ST18: variants seen among roughly 807,000 people sequenced by gnomAD.
ST18 encodes the protein ST18 C2H2C-type zinc finger transcription factor.
A neutral mutation model predicts 110.0 loss-of-function variants in ST18; 50 were observed. The ratio of observed to expected loss-of-function variants is 0.45; its 90% CI spans 0.36 to 0.58. The LOEUF (loss-of-function observed/expected upper bound fraction) is 0.58. Ranked by LOEUF, ST18 falls within the 20% of genes least tolerant of loss-of-function variation. The pLI is 0.00. For missense variants in ST18, 1,306 were observed against 1,280.1 expected, an observed-to-expected ratio of 1.02 and a Z score of -0.31; for synonymous variants, 461 against 452.4, an observed-to-expected ratio of 1.02 and a Z score of -0.24.
At chr8:52,230,495 C>G (rs977048118) in intron 2 of ST18, among the ~76,000 whole-genome samples, 3 of 152,082 alleles carry the variant, frequency 2.0e-5, no homozygotes, top group Admixed American at 1.3e-4. Flanking sequence ...GGCAGCTGTA[C>G]TTTTCCCAGG....
chr8:52,325,545 A>G (rs1168077292), intron 2 of ST18, among the ~76,000 whole-genome samples: 1 of 152,240 alleles, frequency 6.6e-6, no homozygotes, highest in Non-Finnish European at 1.5e-5. Flanking sequence ...CAAGGTATCT[A>G]TGTATTGTTA....
intron 2 of ST18, among the ~76,000 whole-genome samples, chr8:52,314,816 G>A (rs1229242337): frequency 6.6e-6 from 1 of 152,052 alleles, no homozygotes; most frequent in East Asian, 1.9e-4. Flanking sequence ...CAGATCCCTG[G>A]GGCAGCAGGG....
intron 23 of ST18, 135 bp downstream of exon 23, chr8:52,125,917 A>C (rs976255614): frequency 2.8e-6 from 2 of 722,952 alleles, no homozygotes; most frequent in Admixed American, 3.0e-5. Context: ...TTTTAGTTCA[A>C]ATCTGAGGAA....
At chr8:52,170,789 C>A (rs563706058) in intron 10 of ST18, among the ~76,000 whole-genome samples, 114 of 152,090 alleles carry the variant, frequency 7.5e-4, no homozygotes, top group Admixed American at 2.6e-3. Context: ...TTTGTTTTCT[C>A]AGCTCTGAGA....
At chr8:52,362,986 C>T (rs1465532842) in intron 2 of ST18, among the ~76,000 whole-genome samples, 3 of 152,098 alleles carry the variant, frequency 2.0e-5, no homozygotes, top group African/African-American at 7.2e-5. Context: ...CTGAGGTGGG[C>T]GGATCACGAG....
rs2040536202 is a variant in ST18, at chr8:52,111,523, A to G, written c.*1675T>C. ...AGATAAGCCCCACTTAATGCATAAC[A>G]ATGACCAAAGTTTCATGGGAGTGGA... is the stretch of plus-strand genomic sequence containing the variant. On this transcript the variant is annotated 3_prime_UTR_variant, in exon 26 of 26. Coordinates refer to ENST00000689386, the MANE Select transcript of ST18 (RefSeq NM_001352837.2). 1 of 152,704 alleles carries G rather than the reference A, an allele frequency of 6.5e-6. No homozygotes were observed. The highest frequency in any genetic ancestry group is 1.5e-5 in the Non-Finnish European group (1 of 68,054). 9.5% of individuals were successfully genotyped at this position (152,704 alleles called of 1,614,324 possible).
intron 15 of ST18, among the ~76,000 whole-genome samples, chr8:52,154,110 C>G (rs528213824): frequency 6.6e-6 from 1 of 152,198 alleles, no homozygotes; most frequent in Non-Finnish European, 1.5e-5. Context: ...TTCCTTGCAC[C>G]TGTATCAACC....
chr8:52,308,222 G>GA (rs1358376536), intron 2 of ST18, among the ~76,000 whole-genome samples: 1 of 151,924 alleles, frequency 6.6e-6, no homozygotes, highest in African/African-American at 2.4e-5. Flanking sequence ...AAACCAAGGC[G>GA]AAAAAACCAC....
In ST18 at chr8:52,358,574, A is replaced by G. The variant is rs539347109; in HGVS notation, c.-465+50754T>C. On this transcript the variant is annotated intron_variant, in intron 2 of 25. Transcript: ENST00000689386. ...GCAAGAAAATAGTTTGAATAATTGT[A>G]TACTAACAAACTAGATAACCTCAAT... Among the ~76,000 whole-genome samples, 20 of 152,184 alleles carry G rather than the reference A, an allele frequency of 1.3e-4. No individual in the cohort carries two copies. The South Asian group carries it at 2.5e-3, about 19-fold the overall frequency.
At chr8:52,289,469 A>C (rs77005026) in intron 2 of ST18, among the ~76,000 whole-genome samples, 24,526 of 152,042 alleles carry the variant, frequency 0.16, 2,166 homozygotes, top group Middle Eastern at 0.29. Flanking sequence ...AAAAACAAAA[A>C]ACAACAACAA....
chr8:52,315,647 C>A (rs2096011543), intron 2 of ST18, among the ~76,000 whole-genome samples: 1 of 152,182 alleles, frequency 6.6e-6, no homozygotes, highest in African/African-American at 2.4e-5. Context: ...CTCCTTTGTT[C>A]CTGATACCAA....
chr8:52,327,869 G>C (rs1440304293), intron 2 of ST18, among the ~76,000 whole-genome samples: 1 of 152,144 alleles, frequency 6.6e-6, no homozygotes, highest in Non-Finnish European at 1.5e-5. Context: ...TGTAATTCAG[G>C]CTCCTGAAAT....
chr8:52,368,139 T>C (rs780487997), intron 2 of ST18, among the ~76,000 whole-genome samples: 6 of 152,200 alleles, frequency 3.9e-5, no homozygotes, highest in African/African-American at 7.2e-5. Flanking sequence ...ACAAGTTTTA[T>C]GTGGAATTCC....
At chr8:52,159,677 A>G (rs2060923777) in intron 14 of ST18, among the ~76,000 whole-genome samples, 1 of 152,192 alleles carries the variant, frequency 6.6e-6, no homozygotes, top group African/African-American at 2.4e-5. Context: ...AACTAAATAG[A>G]TGGTGGAGTC....
Position 52,180,342 on chromosome 8 carries a change from G to T in ST18, c.87-30C>A, listed in dbSNP as rs559130774. 232 of 1,609,446 alleles carry T rather than the reference G, an allele frequency of 1.4e-4. 3 individuals carry two copies. In the South Asian group the frequency reaches 2.4e-3, roughly 17 times the overall value. ...AGTGATTGAGGAAAATTAAGAATAT[G>T]GTAAATTAGCATTTACTGCTGTTTG... On this transcript the variant is annotated intron_variant, in intron 8 of 25. Coordinates refer to ENST00000689386, the MANE Select transcript of ST18 (RefSeq NM_001352837.2).
intron 8 of ST18, among the ~76,000 whole-genome samples, chr8:52,191,764 A>G (rs763055299): frequency 9.2e-5 from 14 of 152,118 alleles, no homozygotes; most frequent in Non-Finnish European, 1.8e-4. Flanking sequence ...TCCACTTTGC[A>G]TGGAGAGAAA....
chr8:52,239,163 T>C (rs909455514), intron 2 of ST18, among the ~76,000 whole-genome samples: 3 of 152,162 alleles, frequency 2.0e-5, no homozygotes, highest in African/African-American at 7.2e-5. Context: ...ATAAAGTAGA[T>C]GAGTTGTTGC....
intron 2 of ST18, among the ~76,000 whole-genome samples, chr8:52,376,602 C>T (rs922733532): frequency 3.0e-4 from 46 of 152,178 alleles, no homozygotes; most frequent in African/African-American, 1.1e-3. Context: ...TTATTTATTA[C>T]TGCTATTACT....
intron 8 of ST18, among the ~76,000 whole-genome samples, chr8:52,209,770 CA>C (rs1172620781): frequency 0.081 from 5,791 of 71,766 alleles, 182 homozygotes; most frequent in Middle Eastern, 0.15. Context: ...AACTCCATCT[CA>C]AAAAAAAAAA....
Sources: gnomAD v4.1 joint callset for allele counts (sites outside exome capture counted in the v4.1 genomes callset) on GRCh38, gnomAD v4.1.1 for gene constraint, MANE v1.5 for transcripts, NCBI Gene and HGNC (gene_info 2026-07-23, HGNC 2026-07-21) for gene names.